The following VTI1A variants were observed in gnomAD, a reference collection of about 807,000 sequenced individuals.
The protein encoded by VTI1A is vesicle transport through interaction with t-SNAREs homolog 1A.
A neutral mutation model predicts 34.9 loss-of-function variants in VTI1A; 22 were observed. That is an observed-to-expected ratio of 0.63 (90% CI 0.45 to 0.90). The LOEUF (loss-of-function observed/expected upper bound fraction) is 0.90, where lower values mean the gene tolerates loss of function less well. Among genes scored for constraint, VTI1A ranks in the 40% least tolerant of loss-of-function variants. The pLI, the probability that VTI1A is intolerant of heterozygous loss-of-function variation, is 0.00. For synonymous variants in VTI1A, 87 were observed against 97.3 expected (o/e 0.89, Z 0.62); for missense variants, 268 against 275.6 (o/e 0.97, Z 0.20).
chr10:112,447,229 C>G lies in VTI1A; in HGVS notation c.-145C>G. On this transcript the variant is annotated 5_prime_UTR_variant, in exon 1 of 8. Coordinates refer to ENST00000393077, the MANE Select transcript of VTI1A (RefSeq NM_145206.4). ...GAGATTGCGACGAACAACCAGGAAGCGGCTGGGTTGAGAGCTGTCCCCGGT... is the reference window on the plus strand; with the variant it reads ...GAGATTGCGACGAACAACCAGGAAGGGGCTGGGTTGAGAGCTGTCCCCGGT... 1 of 735,446 alleles carries G rather than the reference C, an allele frequency of 1.4e-6. No homozygotes were observed. Among genetic ancestry groups the G allele is most frequent in the African/African-American group, 1.8e-5 (1 of 57,022 alleles). 45.6% of individuals were successfully genotyped at this position (735,446 alleles called of 1,614,324 possible). A position where few individuals can be genotyped will look rare whatever the true frequency, so the allele number is the denominator to read the frequency against.
chr10:112,478,397 C>T (rs1463349045), intron 3 of VTI1A, among the ~76,000 whole-genome samples: 1 of 152,166 alleles, frequency 6.6e-6, no homozygotes, highest in East Asian at 1.9e-4. Flanking sequence ...AACTGCACTG[C>T]TTTTTAGTCA....
intron 5 of VTI1A, among the ~76,000 whole-genome samples, chr10:112,621,746 G>A (rs956141012): frequency 1.3e-5 from 2 of 152,108 alleles, no homozygotes; most frequent in South Asian, 2.1e-4. Flanking sequence ...CATGTAGCAC[G>A]AAATCCTTAA....
At chr10:112,686,092 T>C (rs1169250808) in intron 7 of VTI1A, among the ~76,000 whole-genome samples, 3 of 152,160 alleles carry the variant, frequency 2.0e-5, no homozygotes, top group Admixed American at 2.0e-4. Flanking sequence ...ATGGGGAATG[T>C]GGAGAAAAGG....
intron 5 of VTI1A, among the ~76,000 whole-genome samples, chr10:112,587,438 C>T (rs779255988): frequency 1.3e-5 from 2 of 151,938 alleles, no homozygotes; most frequent in Non-Finnish European, 2.9e-5. Context: ...CAAACTGTGA[C>T]TAAGAGAAAG....
intron 5 of VTI1A, among the ~76,000 whole-genome samples, chr10:112,562,044 C>G (rs1238542688): frequency 6.6e-6 from 1 of 152,100 alleles, no homozygotes; most frequent in Admixed American, 6.5e-5. Flanking sequence ...AAGGAGTGTT[C>G]TGAGTCATTT....
At chr10:112,637,934 A>T (rs572552037) in intron 5 of VTI1A, among the ~76,000 whole-genome samples, 142 of 152,374 alleles carry the variant, frequency 9.3e-4, no homozygotes, top group African/African-American at 3.3e-3. Flanking sequence ...TTTACTTGAC[A>T]CACAATGCTT....
At chr10:112,562,624 A>G (rs1851765484) in intron 5 of VTI1A, among the ~76,000 whole-genome samples, 1 of 152,044 alleles carries the variant, frequency 6.6e-6, no homozygotes, top group African/African-American at 2.4e-5. Flanking sequence ...TAGTTTTATC[A>G]TGGCAATCGC....
intron 3 of VTI1A, among the ~76,000 whole-genome samples, chr10:112,500,443 AAAAAG>A (rs1260685098): frequency 3.3e-5 from 5 of 152,218 alleles, no homozygotes; most frequent in Non-Finnish European, 7.3e-5. Context: ...AAAAAAGAAA[AAAAAG>A]AAAAGAAAAG....
intron 5 of VTI1A, among the ~76,000 whole-genome samples, chr10:112,618,534 G>A (rs186764876): frequency 5.4e-5 from 7 of 128,854 alleles, no homozygotes; most frequent in South Asian, 2.6e-4. Context: ...TAGAGAGAGA[G>A]AGAGAGAGAG....
At chr10:112,828,079 G>A in the VTI1A span, among the ~76,000 whole-genome samples, 3 of 152,076 alleles carry the variant, frequency 2.0e-5, no homozygotes, top group Non-Finnish European at 4.4e-5. Flanking sequence ...TCCACCCAAG[G>A]ACTGATATGA....
chr10:112,489,702 A>G (rs982714110), intron 3 of VTI1A, among the ~76,000 whole-genome samples: 1 of 152,176 alleles, frequency 6.6e-6, no homozygotes, highest in Admixed American at 6.5e-5. Flanking sequence ...ATTAATTGCA[A>G]AAGATAGATA....
the VTI1A span, among the ~76,000 whole-genome samples, chr10:112,853,191 G>A: frequency 6.6e-6 from 1 of 152,222 alleles, no homozygotes; most frequent in Non-Finnish European, 1.5e-5. Context: ...TGAATGGGGT[G>A]ACAAGTTAAA....
chr10:112,549,469 A>G (rs964307010), intron 5 of VTI1A, among the ~76,000 whole-genome samples: 1 of 152,196 alleles, frequency 6.6e-6, no homozygotes, highest in African/African-American at 2.4e-5. Context: ...GAAAGGCACT[A>G]TGGTGTCCAA....
At chr10:112,644,058 G>A (rs1219653036) in intron 5 of VTI1A, among the ~76,000 whole-genome samples, 1 of 152,114 alleles carries the variant, frequency 6.6e-6, no homozygotes, top group Non-Finnish European at 1.5e-5. Context: ...CATTCTGTTT[G>A]ATGTCTCGGC....
chr10:112,729,442 C>A (rs1165011927), intron 7 of VTI1A, among the ~76,000 whole-genome samples: 1 of 152,138 alleles, frequency 6.6e-6, no homozygotes, highest in African/African-American at 2.4e-5. Flanking sequence ...CTTTTTTGTG[C>A]TAAGCAACAT....
chr10:112,633,729 C>T (rs1008814105), intron 5 of VTI1A, among the ~76,000 whole-genome samples: 2 of 152,102 alleles, frequency 1.3e-5, no homozygotes, highest in African/African-American at 4.8e-5. Context: ...TTATTAAATG[C>T]CTCTCCTATT....
At chr10:112,786,930 G>T (rs377561128) in intron 7 of VTI1A, among the ~76,000 whole-genome samples, 1 of 152,158 alleles carries the variant, frequency 6.6e-6, no homozygotes, top group East Asian at 1.9e-4. Context: ...CATAGAACAA[G>T]TTGGCATAGT....
intron 1 of VTI1A, among the ~76,000 whole-genome samples, chr10:112,455,741 C>T: frequency 6.8e-6 from 1 of 147,792 alleles, no homozygotes; most frequent in Admixed American, 6.8e-5. Flanking sequence ...TTCTTAAAAA[C>T]ATGAGGAACA....
At chr10:112,686,186 A>C (rs1024813971) in intron 7 of VTI1A, among the ~76,000 whole-genome samples, 1 of 152,222 alleles carries the variant, frequency 6.6e-6, no homozygotes, top group Admixed American at 6.5e-5. Context: ...GTTACAAACC[A>C]TGCACTTTCT....
Sources: allele counts gnomAD v4.1 joint callset (sites outside exome capture counted in the v4.1 genomes callset), GRCh38; gene constraint gnomAD v4.1.1; transcripts MANE v1.5; gene names NCBI Gene and HGNC (gene_info 2026-07-23, HGNC 2026-07-21).